Variants in ERFL observed in about 807,000 individuals in gnomAD.
ERFL encodes the protein ETS domain-containing transcription factor ERF-like.
In ERFL, 8 loss-of-function variants were observed where a neutral mutation model predicts 27.9. That is an observed-to-expected ratio of 0.29 (90% CI 0.17 to 0.52). The LOEUF is 0.52. Among genes scored for constraint, ERFL ranks in the 20% least tolerant of loss-of-function variants. The pLI is 0.97. For synonymous variants in ERFL, 174 were observed against 202.8 expected (o/e 0.86, Z 1.21); for missense variants, 294 against 444.4 (o/e 0.66, Z 3.04).
At chr19:41,923,275 G>C (rs1555852824) in intron 1 of ERFL, 1 of 432,464 alleles carries the variant, frequency 2.3e-6, no homozygotes, top group Non-Finnish European at 4.7e-6. Flanking sequence ...ACTGTCAGAG[G>C]ACAGAGCAAG....
Position 41,909,248 on chromosome 19 carries a change from G to A in ERFL, c.498+28C>T. On this transcript the variant is annotated intron_variant, in intron 4 of 5. Transcript: ENST00000597630. The surrounding 1 kb of genome is among the most constrained non-coding windows in gnomAD (Gnocchi z 5.2). ...CCCAGAGTGGGCACCAAGTGCCTCGGTTCCAGGACCCCAGTACCCAGACTC... is the reference window on the plus strand; with the variant it reads ...CCCAGAGTGGGCACCAAGTGCCTCGATTCCAGGACCCCAGTACCCAGACTC... 3.2e-6 allele frequency: 4 copies of A among 1,231,918 alleles called. No homozygotes were observed. The highest frequency in any genetic ancestry group is 4.0e-6 in the Non-Finnish European group (4 of 988,310). The allele number at this position is 1,231,918 out of a possible 1,614,324, so 76.3% of individuals were successfully genotyped here.
Position 41,908,632 on chromosome 19 carries a change from C to T in ERFL, c.661G>A (p.Gly221Ser). The change falls in exon 6 of 6, where the codon GGC (glycine) becomes AGC (serine). Residue 221 changes from glycine (G) to serine (S), a missense_variant. Physicochemically the swap from Gly to Ser is moderately conservative, Grantham distance 56. This residue lies in a region of ERFL where 246 missense variants were observed against 371.4 expected (regional missense o/e 0.66). Transcript: ENST00000597630. The surrounding 1 kb of genome is among the most constrained non-coding windows in gnomAD (Gnocchi z 6.7). ...CAGGGGTACTCAGGGAAGGCGCGGC[C>T]ATAAGGACCCAGCAGGCCAGGGGGC... ...SKPPGLLGPY[G>S]RAFPEYPWNF... is the part of the protein sequence containing the mutation. 8.1e-7 allele frequency: 1 copy of T among 1,231,656 alleles called. No individual in the cohort carries two copies. The highest frequency in any genetic ancestry group is 1.0e-6 in the Non-Finnish European group (1 of 988,004). The allele number at this position is 1,231,656 out of a possible 1,614,324, so 76.3% of individuals were successfully genotyped here. A position where few individuals can be genotyped will look rare whatever the true frequency, so the allele number is the denominator to read the frequency against.
Position 41,909,225 on chromosome 19 carries a change from C to G in ERFL, c.499-48G>C. On this transcript the variant is annotated intron_variant, in intron 4 of 5. Transcript: ENST00000597630. This position sits in a 1 kb window ranked among gnomAD's most constrained non-coding sequence, Gnocchi z 5.2. ...CGCCCTTCTCAGACTGTCCCCTCCC[C>G]AGAGTGGGCACCAAGTGCCTCGGTT... 1 of 1,231,228 alleles carries G rather than the reference C, an allele frequency of 8.1e-7. No homozygotes were observed. Among genetic ancestry groups the G allele is most frequent in the Non-Finnish European group, 1.0e-6 (1 of 987,542 alleles). The allele number at this position is 1,231,228 out of a possible 1,614,324, so 76.3% of individuals were successfully genotyped here.
intron 1 of ERFL, among the ~76,000 whole-genome samples, chr19:41,922,931 C>T (rs2074850711): frequency 6.6e-6 from 1 of 152,174 alleles, no homozygotes; most frequent in African/African-American, 2.4e-5. Flanking sequence ...TGCCTCTGCC[C>T]ACCTCTCCCT....
intron 1 of ERFL, among the ~76,000 whole-genome samples, chr19:41,914,574 CGTCTCT>C (rs1568831584): frequency 5.6e-5 from 1 of 17,938 alleles, no homozygotes; most frequent in Admixed American, 7.7e-4. Flanking sequence ...TCTCTGTCTC[CGTCTCT>C]CCCTCCCTTT....
Position 41,912,876 on chromosome 19 carries a change from G to A in ERFL, c.44C>T (p.Ala15Val). ...CVSDLLFAPP[A>V]LPALWTPGFA... ...ACCGGGGGTCCAGAGAGCCGGCAGG[G>A]CGGGCGGGGCGAAGAGAAGGTCGGA... The change falls in exon 2 of 6, where the codon GCC (alanine) becomes GTC (valine). Residue 15 changes from alanine (A) to valine (V), a missense_variant. Around this residue, in one of 3 missense-constraint regions of ERFL, gnomAD observed 38 missense variants for 35.3 expected, o/e 1.08. Coordinates refer to ENST00000597630, the MANE Select transcript of ERFL (RefSeq NM_001365103.2). 4.1e-6 allele frequency: 5 copies of A among 1,231,146 alleles called. No individual in the cohort carries two copies. Among genetic ancestry groups the A allele is most frequent in the Non-Finnish European group, 5.1e-6 (5 of 987,490 alleles). The allele number at this position is 1,231,146 out of a possible 1,614,324, so 76.3% of individuals were successfully genotyped here.
Position 41,921,260 on chromosome 19 carries a change from C to T in ERFL, c.-14+6780G>A, listed in dbSNP as rs535496571. Among the ~76,000 whole-genome samples, 6 of 151,830 alleles carry T rather than the reference C, an allele frequency of 4.0e-5. No homozygotes were observed. The highest frequency in any genetic ancestry group is 1.5e-4 in the African/African-American group (6 of 41,372). ...AGGAACTGGAGGTTGGGGTGGGGGG[C>T]ACAGAGAAGGGGAGACATGCAGGGA... On this transcript the variant is annotated intron_variant, in intron 1 of 5. Coordinates refer to ENST00000597630, the MANE Select transcript of ERFL (RefSeq NM_001365103.2). The surrounding 1 kb of genome is among the most constrained non-coding windows in gnomAD (Gnocchi z 4.4).
In ERFL at chr19:41,913,515, G is replaced by C. The variant is rs1362368948; in HGVS notation, c.-13-583C>G. ...CGCAGCCGCCCAGGACGGGCTGCAG[G>C]GGGGCAGGCCCAGCACCCCCTCCTC... On this transcript the variant is annotated intron_variant, in intron 1 of 5. Coordinates refer to ENST00000597630, the MANE Select transcript of ERFL (RefSeq NM_001365103.2). Among the ~76,000 whole-genome samples the C allele has an allele frequency of 8.6e-5, 13 of 151,720 alleles. No homozygotes were observed. The East Asian group carries it at 2.3e-3, about 27-fold the overall frequency.
Position 41,917,736 on chromosome 19 carries a change from C to G in ERFL, c.-13-4804G>C, listed in dbSNP as rs368260507. Among the ~76,000 whole-genome samples the G allele has an allele frequency of 9.2e-5, 14 of 151,996 alleles. No homozygotes were observed. The East Asian group carries it at 2.5e-3, about 27-fold the overall frequency. On this transcript the variant is annotated intron_variant, in intron 1 of 5. Coordinates refer to ENST00000597630, the MANE Select transcript of ERFL (RefSeq NM_001365103.2). This position sits in a 1 kb window ranked among gnomAD's most constrained non-coding sequence, Gnocchi z 4.8. ...GGGACATATCTCTCCTTACGCCACA[C>G]GCCCATGTAGGACACATCTGTGCAC...
In ERFL at chr19:41,908,073, C is replaced by T. The variant is rs2074728145; in HGVS notation, c.*155G>A. The T allele has an allele frequency of 1.2e-5, 6 of 505,316 alleles. No homozygotes were observed. The Admixed American group carries it at 1.8e-4, about 15-fold the overall frequency. 31.3% of individuals were successfully genotyped at this position (505,316 alleles called of 1,614,324 possible). On this transcript the variant is annotated 3_prime_UTR_variant, in exon 6 of 6. Transcript: ENST00000597630. This position sits in a 1 kb window ranked among gnomAD's most constrained non-coding sequence, Gnocchi z 6.7. ...CTCTGTGGAGGGGGAAGTGAGACCC[C>T]CCCCACTCTGGGGCTGGGGAAGGAG...
chr19:41,922,695 G>T (rs542757956), intron 1 of ERFL, among the ~76,000 whole-genome samples: 1 of 152,134 alleles, frequency 6.6e-6, no homozygotes, highest in East Asian at 1.9e-4. Flanking sequence ...TGGGTGCCGG[G>T]CCACCAGGGA....
chr19:41,920,075 TCA>T (rs1459437383), intron 1 of ERFL, among the ~76,000 whole-genome samples: 27 of 99,816 alleles, frequency 2.7e-4, no homozygotes, highest in South Asian at 1.4e-3. Context: ...TGTGACACAC[TCA>T]CAGACATGAC....
chr19:41,914,722 C>G (rs1380285540), intron 1 of ERFL, among the ~76,000 whole-genome samples: 4 of 18,400 alleles, frequency 2.2e-4, no homozygotes, highest in Non-Finnish European at 3.3e-4. Flanking sequence ...CTCTGTCTCT[C>G]CCTCCCCTTC....
chr19:41,922,573 G>T (rs578203254), intron 1 of ERFL, among the ~76,000 whole-genome samples: 2 of 152,240 alleles, frequency 1.3e-5, no homozygotes, highest in South Asian at 2.1e-4. Flanking sequence ...AAACATGAGG[G>T]GCAGAGAACT....
chr19:41,917,009 G>GGT lies in ERFL; in HGVS notation c.-13-4079_-13-4078dup, dbSNP rs782321934. On this transcript the variant is annotated intron_variant, in intron 1 of 5. Transcript: ENST00000597630. This position sits in a 1 kb window ranked among gnomAD's most constrained non-coding sequence, Gnocchi z 4.8. ...AACTTCCCAAGCATGTCTCTGCATG[G>GGT]GTGTGTGTGTGTGTGTGCACATATG... Among the ~76,000 whole-genome samples the GGT allele has an allele frequency of 2.0e-3, 267 of 132,184 alleles. No homozygotes were observed. Among genetic ancestry groups the GGT allele is most frequent in the Middle Eastern group, 0.011 (3 of 272 alleles). 86.7% of individuals were successfully genotyped at this position (132,184 alleles called of 152,430 possible).
At chr19:41,912,256 A>C (rs2074756943) in intron 2 of ERFL, among the ~76,000 whole-genome samples, 1 of 152,198 alleles carries the variant, frequency 6.6e-6, no homozygotes, top group Admixed American at 6.5e-5. Context: ...AGTGTGACAC[A>C]GGGACACACT....
chr19:41,915,941 C>G (rs577804820), intron 1 of ERFL, among the ~76,000 whole-genome samples: 7 of 152,122 alleles, frequency 4.6e-5, no homozygotes, highest in Non-Finnish European at 7.4e-5. Flanking sequence ...CACCCCCCTC[C>G]CCCCCGCCGG....
rs376210275 is a variant in ERFL, at chr19:41,915,963, C to T, written c.-13-3031G>A. On this transcript the variant is annotated intron_variant, in intron 1 of 5. Transcript: ENST00000597630. ...CTCCCCCCCGCCGGCCGGCGTGGTG[C>T]GGATGGGTACTCCAGGCAAGCTTTA... 2.7e-4 allele frequency among the ~76,000 whole-genome samples: 40 copies of T among 150,718 alleles called. No homozygotes were observed. In the East Asian group the frequency reaches 6.5e-3, roughly 24 times the overall value.
chr19:41,920,439 C>T (rs1033635085), intron 1 of ERFL, among the ~76,000 whole-genome samples: 3 of 146,598 alleles, frequency 2.0e-5, no homozygotes, highest in East Asian at 4.1e-4. Context: ...AGACATGACA[C>T]GCTCACAGAC....
Sources: allele counts gnomAD v4.1 joint callset (sites outside exome capture counted in the v4.1 genomes callset), GRCh38; gene constraint gnomAD v4.1.1; regional missense constraint gnomAD v4.1.1; non-coding constraint Gnocchi (gnomAD v3.1); transcripts MANE v1.5; gene names NCBI Gene and HGNC (gene_info 2026-07-23, HGNC 2026-07-21).